SORCS3: variants seen among roughly 807,000 people sequenced by gnomAD.
SORCS3 encodes the protein VPS10 domain-containing receptor SorCS3.
SORCS3 carries 57 observed loss-of-function variants against 146.3 expected under a neutral mutation model. The ratio of observed to expected loss-of-function variants is 0.39; its 90% CI spans 0.31 to 0.49. The LOEUF (loss-of-function observed/expected upper bound fraction) is 0.49. Ranked by LOEUF, SORCS3 falls within the 20% of genes least tolerant of loss-of-function variation. The pLI is 0.92. For missense variants in SORCS3, 1,341 were observed against 1,575.5 expected (o/e 0.85, Z 2.52); for synonymous variants, 653 against 618.5 (o/e 1.06, Z -0.83).
intron 4 of SORCS3, among the ~76,000 whole-genome samples, chr10:104,985,766 T>C (rs1361893815): frequency 1.3e-5 from 2 of 152,186 alleles, no homozygotes; most frequent in African/African-American, 4.8e-5. Context: ...AGCTCTTGAG[T>C]GACCAGGTGC....
chr10:104,878,153 A>G lies in SORCS3; in HGVS notation c.695+35294A>G, dbSNP rs143582730. On this transcript the variant is annotated intron_variant, in intron 2 of 26. Coordinates refer to ENST00000369701, the MANE Select transcript of SORCS3 (RefSeq NM_014978.3). ...CATAGAGATTTTCACAATTTATTCA[A>G]TCACTTGGCCAATATCTGTTGAACC... Among the ~76,000 whole-genome samples, 689 of 152,276 alleles carry G rather than the reference A, an allele frequency of 4.5e-3. 4 individuals carry two copies. The highest frequency in any genetic ancestry group is 6.0e-3 in the Non-Finnish European group (410 of 68,022).
intron 3 of SORCS3, among the ~76,000 whole-genome samples, chr10:104,924,505 G>C (rs1326645454): frequency 1.3e-5 from 2 of 152,214 alleles, no homozygotes; most frequent in African/African-American, 2.4e-5. Context: ...GGGTATTGCA[G>C]CTGGAATCTC....
At chr10:105,014,099 A>ATG (rs72271757) in intron 4 of SORCS3, among the ~76,000 whole-genome samples, 6,480 of 101,422 alleles carry the variant, frequency 0.064, 178 homozygotes, top group East Asian at 0.19. Context: ...ATATATATAC[A>ATG]TATATATATA....
At chr10:104,778,011 T>A (rs1455058566) in intron 1 of SORCS3, among the ~76,000 whole-genome samples, 1 of 152,128 alleles carries the variant, frequency 6.6e-6, no homozygotes, top group Admixed American at 6.5e-5. Flanking sequence ...TTATTGAGTA[T>A]GAAAATACAG....
chr10:105,098,107 T>C (rs2055758993), intron 6 of SORCS3, among the ~76,000 whole-genome samples: 1 of 152,236 alleles, frequency 6.6e-6, no homozygotes. Context: ...CTCTAGGCTC[T>C]AGATACATAT....
chr10:104,919,966 G>A (rs2133602895), intron 3 of SORCS3, among the ~76,000 whole-genome samples: 1 of 152,282 alleles, frequency 6.6e-6, no homozygotes, highest in East Asian at 1.9e-4. Flanking sequence ...TCCTTTATTA[G>A]TCTAGAGCTC....
intron 1 of SORCS3, among the ~76,000 whole-genome samples, chr10:104,675,882 C>T (rs997081105): frequency 2.0e-5 from 3 of 152,116 alleles, no homozygotes; most frequent in Admixed American, 1.3e-4. Context: ...GAATCACTTG[C>T]CAATTTCCAC....
intron 5 of SORCS3, among the ~76,000 whole-genome samples, chr10:105,088,827 C>T (rs1051917315): frequency 2.6e-5 from 4 of 152,194 alleles, no homozygotes; most frequent in African/African-American, 9.6e-5. Context: ...TCACCATTTT[C>T]AATTCTACTT....
At chr10:104,686,622 T>C (rs2016046544) in intron 1 of SORCS3, among the ~76,000 whole-genome samples, 1 of 151,978 alleles carries the variant, frequency 6.6e-6, no homozygotes, top group Non-Finnish European at 1.5e-5. Flanking sequence ...GTCTTCTCTC[T>C]CCCCCATTTT....
At chr10:105,023,945 G>C (rs948596717) in intron 4 of SORCS3, among the ~76,000 whole-genome samples, 1 of 152,092 alleles carries the variant, frequency 6.6e-6, no homozygotes, top group Non-Finnish European at 1.5e-5. Context: ...AAACAGGAGG[G>C]CAAGATCACA....
At chr10:104,981,198 CT>C (rs1354315292) in intron 4 of SORCS3, among the ~76,000 whole-genome samples, 3 of 152,170 alleles carry the variant, frequency 2.0e-5, no homozygotes, top group Non-Finnish European at 4.4e-5. Context: ...TTCCCCACTC[CT>C]TCTACCTCCC....
chr10:105,045,136 T>C (rs1026718325), intron 5 of SORCS3, among the ~76,000 whole-genome samples: 1 of 151,990 alleles, frequency 6.6e-6, no homozygotes, highest in Non-Finnish European at 1.5e-5. Flanking sequence ...AAAGTCAGGT[T>C]AGTAGAGGAG....
At chr10:105,231,360 C>G (rs1479444737) in intron 20 of SORCS3, among the ~76,000 whole-genome samples, 1 of 152,136 alleles carries the variant, frequency 6.6e-6, no homozygotes, top group Non-Finnish European at 1.5e-5. Context: ...TATATATGAA[C>G]CTTGTATCCT....
At chr10:104,739,866 G>A (rs980477232) in intron 1 of SORCS3, among the ~76,000 whole-genome samples, 6 of 152,198 alleles carry the variant, frequency 3.9e-5, no homozygotes, top group African/African-American at 1.2e-4. Flanking sequence ...ACCTTTGTAG[G>A]ATGGGAGGAT....
chr10:104,897,841 G>C (rs141559524), intron 2 of SORCS3, among the ~76,000 whole-genome samples: 3 of 152,182 alleles, frequency 2.0e-5, no homozygotes, highest in African/African-American at 7.2e-5. Flanking sequence ...TTGCCTGGGG[G>C]TAGTCCCACG....
At chr10:104,749,281 G>A (rs980408135) in intron 1 of SORCS3, among the ~76,000 whole-genome samples, 74 of 149,438 alleles carry the variant, frequency 5.0e-4, no homozygotes, top group Admixed American at 2.4e-3. Context: ...TGGTTACAAC[G>A]AAGCAATTTG....
At chr10:104,695,945 A>T (rs61861257) in intron 1 of SORCS3, among the ~76,000 whole-genome samples, 9,281 of 144,480 alleles carry the variant, frequency 0.064, 435 homozygotes, top group Middle Eastern at 0.099. Flanking sequence ...GTATATATAT[A>T]ATATATATAT....
chr10:105,196,425 G>A (rs2056544512), intron 14 of SORCS3, among the ~76,000 whole-genome samples: 1 of 152,104 alleles, frequency 6.6e-6, no homozygotes, highest in South Asian at 2.1e-4. Context: ...CCAACATGGA[G>A]AAACACTGTC....
At chr10:105,146,297 C>T (rs961413698) in intron 8 of SORCS3, among the ~76,000 whole-genome samples, 5 of 152,030 alleles carry the variant, frequency 3.3e-5, no homozygotes, top group Non-Finnish European at 5.9e-5. Context: ...CTATAAATTA[C>T]TTGGCATTGT....
Sources: gnomAD v4.1 joint callset for allele counts (sites outside exome capture counted in the v4.1 genomes callset) on GRCh38, gnomAD v4.1.1 for gene constraint, MANE v1.5 for transcripts, NCBI Gene and HGNC (gene_info 2026-07-23, HGNC 2026-07-21) for gene names.